The following CDC42BPA variants were observed in gnomAD, a reference collection of about 807,000 sequenced individuals.
The protein encoded by CDC42BPA is CDC42 binding protein kinase alpha.
A neutral mutation model predicts 223.5 loss-of-function variants in CDC42BPA; 80 were observed. The ratio of observed to expected loss-of-function variants is 0.36; its 90% CI spans 0.30 to 0.43. The LOEUF is 0.43. CDC42BPA is among the 20% of genes least tolerant of loss of function. CDC42BPA has a pLI of 1.00. For synonymous variants in CDC42BPA, 694 were observed against 718.6 expected, an observed-to-expected ratio of 0.97 and a Z score of 0.55; for missense variants, 1,743 against 2,099.9, an observed-to-expected ratio of 0.83 and a Z score of 3.32.
intron 2 of CDC42BPA, among the ~76,000 whole-genome samples, chr1:227,246,607 T>A (rs1291135668): frequency 1.3e-5 from 2 of 152,014 alleles, no homozygotes; most frequent in African/African-American, 4.8e-5. Flanking sequence ...AACTTTTGGA[T>A]CTTATCCAAG....
intron 4 of CDC42BPA, among the ~76,000 whole-genome samples, chr1:227,195,128 G>A (rs1038136325): frequency 6.6e-6 from 1 of 152,172 alleles, no homozygotes; most frequent in Non-Finnish European, 1.5e-5. Flanking sequence ...GAAAATTAGG[G>A]AAGCAGAATA....
intron 2 of CDC42BPA, among the ~76,000 whole-genome samples, chr1:227,236,810 G>A (rs1163187010): frequency 6.6e-6 from 1 of 152,076 alleles, no homozygotes; most frequent in Admixed American, 6.6e-5. Flanking sequence ...GCTCATGCCT[G>A]TAATCCCAGC....
intron 16 of CDC42BPA, among the ~76,000 whole-genome samples, chr1:227,086,740 C>G (rs769423038): frequency 2.7e-5 from 4 of 150,314 alleles, no homozygotes; most frequent in Non-Finnish European, 5.9e-5. Flanking sequence ...CATCTCCACT[C>G]ACTGCAGCCT....
At chr1:227,157,743 T>C (rs531367324) in intron 6 of CDC42BPA, among the ~76,000 whole-genome samples, 2 of 152,168 alleles carry the variant, frequency 1.3e-5, no homozygotes, top group East Asian at 3.9e-4. Context: ...GTTTTTCACA[T>C]TGGCTCATCT....
At chr1:227,184,057 T>A (rs1668372446) in intron 5 of CDC42BPA, among the ~76,000 whole-genome samples, 1 of 152,208 alleles carries the variant, frequency 6.6e-6, no homozygotes, top group Admixed American at 6.5e-5. Flanking sequence ...TTGGGCTTTT[T>A]AATTGTATTT....
chr1:227,160,786 G>C (rs1420841919), intron 5 of CDC42BPA, 150 bp from the exon 6 acceptor site: 1 of 545,976 alleles, frequency 1.8e-6, no homozygotes, highest in Admixed American at 3.5e-5. Flanking sequence ...TTCAAATCCT[G>C]GTTCTGATTC....
intron 2 of CDC42BPA, among the ~76,000 whole-genome samples, chr1:227,245,034 C>T (rs868201025): frequency 6.6e-6 from 1 of 152,186 alleles, no homozygotes. Flanking sequence ...GCAAGCATCA[C>T]CACTGCAGGC....
rs377565922 is a variant in CDC42BPA at position 227,179,552 on chromosome 1, C to T, written c.599+14234G>A. 1.6e-4 allele frequency among the ~76,000 whole-genome samples: 22 copies of T among 139,018 alleles called. No individual in the cohort carries two copies. The South Asian group carries it at 4.0e-3, about 26-fold the overall frequency. The allele number at this position is 139,018 out of a possible 152,430, so 91.2% of individuals were successfully genotyped here. ...TCAGGAGGCTGAGGCAGGAGAATGG[C>T]GTCAACCCGGGAGGTGGAGCTTGCA... On this transcript the variant is annotated intron_variant, in intron 5 of 36. Coordinates refer to ENST00000366766, the MANE Select transcript of CDC42BPA (RefSeq NM_001394014.1).
intron 16 of CDC42BPA, among the ~76,000 whole-genome samples, chr1:227,089,628 T>G (rs1023421570): frequency 4.3e-5 from 1 of 23,062 alleles, no homozygotes; most frequent in Non-Finnish European, 9.7e-5. Context: ...GGTAATTCCG[T>G]TTTTTTTTTT....
At chr1:227,154,650 G>T (rs534542205) in intron 6 of CDC42BPA, among the ~76,000 whole-genome samples, 3 of 152,056 alleles carry the variant, frequency 2.0e-5, no homozygotes, top group South Asian at 4.1e-4. Context: ...AAGTCGTTTA[G>T]GAGCAAATCT....
chr1:227,000,815 T>TA (rs112257437), intron 35 of CDC42BPA, among the ~76,000 whole-genome samples: 3,093 of 142,736 alleles, frequency 0.022, 37 homozygotes, highest in Non-Finnish European at 0.022. Flanking sequence ...CTACAACCTT[T>TA]AAAAAAAAAA....
intron 16 of CDC42BPA, among the ~76,000 whole-genome samples, chr1:227,086,045 G>C (rs1270018919): frequency 6.6e-6 from 1 of 152,086 alleles, no homozygotes; most frequent in Non-Finnish European, 1.5e-5. Context: ...TGTTTCTGTA[G>C]AAACATTTTC....
Position 227,091,870 on chromosome 1 carries a change from A to T in CDC42BPA, c.2355+16T>A. On this transcript the variant is annotated intron_variant, in intron 16 of 36. Transcript: ENST00000366766. Reference sequence around the variant, plus strand: ...TAGCATGTACTACTCAATTAATATGAGATTAAATCACTCACCTTATCAAGT... The same window carrying T: ...TAGCATGTACTACTCAATTAATATGTGATTAAATCACTCACCTTATCAAGT... 7.3e-7 allele frequency: 1 copy of T among 1,375,912 alleles called. No homozygotes were observed. Among genetic ancestry groups the T allele is most frequent in the Non-Finnish European group, 1.0e-6 (1 of 976,306 alleles). 85.2% of individuals were successfully genotyped at this position (1,375,912 alleles called of 1,614,324 possible).
At chr1:227,212,386 C>T (rs1674079516) in intron 3 of CDC42BPA, among the ~76,000 whole-genome samples, 1 of 152,234 alleles carries the variant, frequency 6.6e-6, no homozygotes, top group South Asian at 2.1e-4. Flanking sequence ...ACTTCCAGGG[C>T]TATTACTCAG....
In CDC42BPA at chr1:227,070,304, C is replaced by T. The variant is rs115845645; in HGVS notation, c.2828-451G>A. On this transcript the variant is annotated intron_variant, in intron 20 of 36. Transcript: ENST00000366766. ...AATTAATGCAGTGATGAAACAAATA[C>T]ACTTAATTACAAAAAAACTGCCAAT... 4.6e-3 allele frequency among the ~76,000 whole-genome samples: 695 copies of T among 151,842 alleles called. 5 individuals carry two copies. The highest frequency in any genetic ancestry group is 0.016 in the African/African-American group (670 of 41,504).
Position 227,058,723 on chromosome 1 carries a change from G to A in CDC42BPA, c.2905-6738C>T, listed in dbSNP as rs1182541097. Among the ~76,000 whole-genome samples the A allele has an allele frequency of 3.9e-5, 6 of 152,008 alleles. No individual in the cohort carries two copies. The South Asian group carries it at 1.0e-3, about 26-fold the overall frequency. On this transcript the variant is annotated intron_variant, in intron 21 of 36. Coordinates refer to ENST00000366766, the MANE Select transcript of CDC42BPA (RefSeq NM_001394014.1). ...AAACACAGAGCTAGGATTAGTATAG[G>A]AAGATATTTACAGTTTGTTAATAAT...
intron 21 of CDC42BPA, chr1:227,069,314 CAG>C (rs1246965187): frequency 2.0e-5 from 3 of 152,376 alleles, no homozygotes; most frequent in South Asian, 2.1e-4. Context: ...ATATGCCTAA[CAG>C]AGTCTATGTA....
chr1:227,160,445 T>G (rs1348773825), intron 6 of CDC42BPA, 98 bp downstream of exon 6: 18 of 813,918 alleles, frequency 2.2e-5, no homozygotes, highest in Non-Finnish European at 3.7e-5. Context: ...GATGGATGGG[T>G]AGATAGTATA....
chr1:226,997,311 A>C (rs1013649409), intron 35 of CDC42BPA, among the ~76,000 whole-genome samples: 4 of 151,946 alleles, frequency 2.6e-5, no homozygotes, highest in Non-Finnish European at 5.9e-5. Flanking sequence ...TCTCCCCTTT[A>C]TCATTTTTTT....
Sources: allele counts gnomAD v4.1 joint callset (sites outside exome capture counted in the v4.1 genomes callset), GRCh38; gene constraint gnomAD v4.1.1; transcripts MANE v1.5; gene names NCBI Gene and HGNC (gene_info 2026-07-23, HGNC 2026-07-21).